Variants in FMNL2 observed in about 807,000 individuals in gnomAD.
FMNL2 encodes the protein formin like 2, also known as formin-like protein 2.
A neutral mutation model predicts 130.2 loss-of-function variants in FMNL2; 51 were observed. The observed-to-expected ratio is 0.39, with a 90% CI of 0.31 to 0.49. The LOEUF is 0.49. Ranked by LOEUF, FMNL2 falls within the 20% of genes least tolerant of loss-of-function variation. The pLI is 0.85. For synonymous variants in FMNL2, 465 were observed against 467.1 expected, an observed-to-expected ratio of 1.00 and a Z score of 0.06; for missense variants, 977 against 1,316.2, an observed-to-expected ratio of 0.74 and a Z score of 3.99.
intron 1 of FMNL2, among the ~76,000 whole-genome samples, chr2:152,435,065 A>G (rs1326000186): frequency 6.6e-6 from 1 of 152,162 alleles, no homozygotes; most frequent in Admixed American, 6.5e-5. Context: ...GATACAGTCT[A>G]GAAGGTATTC....
Position 152,648,171 on chromosome 2 carries a change from T to TAACC in FMNL2, c.*269_*272dup, listed in dbSNP as rs1683784828. On this transcript the variant is annotated 3_prime_UTR_variant, in exon 26 of 26. Transcript: ENST00000288670. The stretch of plus-strand genomic sequence containing the variant: ...TCTTTTTACACCAGTATGTTATTTT[T>TAACC]AACCAAAATGTAAAGTTCTTATTAA... 2.6e-6 allele frequency: 1 copy of TAACC among 384,498 alleles called. No homozygotes were observed. Among genetic ancestry groups the TAACC allele is most frequent in the Admixed American group, 4.2e-5 (1 of 23,898 alleles). The allele number at this position is 384,498 out of a possible 1,614,324, so 23.8% of individuals were successfully genotyped here.
intron 9 of FMNL2, among the ~76,000 whole-genome samples, chr2:152,592,034 C>T (rs1485450953): frequency 3.3e-5 from 5 of 151,900 alleles, no homozygotes; most frequent in African/African-American, 4.8e-5. Context: ...ACCCGGGAGG[C>T]AGAGGTTGCA....
intron 13 of FMNL2, 127 bp downstream of exon 13, chr2:152,617,319 T>C: frequency 1.2e-6 from 1 of 819,870 alleles, no homozygotes; most frequent in Non-Finnish European, 1.9e-6. Context: ...ATTGGAAACC[T>C]TTGAGAGGTG....
intron 1 of FMNL2, among the ~76,000 whole-genome samples, chr2:152,446,769 G>C (rs188967438): frequency 2.0e-5 from 3 of 152,312 alleles, no homozygotes; most frequent in Admixed American, 1.3e-4. Flanking sequence ...TGTGTGTATG[G>C]TGTTTAAGTA....
At chr2:152,433,713 G>A (rs931944802) in intron 1 of FMNL2, among the ~76,000 whole-genome samples, 21 of 152,178 alleles carry the variant, frequency 1.4e-4, no homozygotes, top group African/African-American at 5.1e-4. Context: ...TAGGTTGGCT[G>A]TGACTATTTA....
intron 9 of FMNL2, among the ~76,000 whole-genome samples, chr2:152,582,645 T>A (rs1696858380): frequency 6.6e-6 from 1 of 152,214 alleles, no homozygotes; most frequent in Non-Finnish European, 1.5e-5. Flanking sequence ...TGCTTGTCTG[T>A]GAATGTTTTT....
intron 9 of FMNL2, among the ~76,000 whole-genome samples, chr2:152,599,220 G>A (rs114026460): frequency 5.3e-5 from 8 of 152,212 alleles, no homozygotes; most frequent in Admixed American, 6.5e-5. Context: ...TCAAGTTGAC[G>A]CATAAAGTTA....
rs59672196 is a variant in FMNL2 at position 152,456,936 on chromosome 2, CAA to C, written c.118-64989_118-64988del. 1.3e-3 allele frequency among the ~76,000 whole-genome samples: 123 copies of C among 96,612 alleles called. 1 individual carries two copies. Among genetic ancestry groups the C allele is most frequent in the Middle Eastern group, 7.7e-3 (1 of 130 alleles). 63.4% of individuals were successfully genotyped at this position (96,612 alleles called of 152,430 possible). A position where few individuals can be genotyped will look rare whatever the true frequency, so the allele number is the denominator to read the frequency against. On this transcript the variant is annotated intron_variant, in intron 1 of 25. Coordinates refer to ENST00000288670, the MANE Select transcript of FMNL2 (RefSeq NM_052905.4). ...CTGATGACAGAGTGAGACTCCCTTTCAAAAAAAAAAAAAAAAAAATTGCTACA... is the reference window on the plus strand; with the variant it reads ...CTGATGACAGAGTGAGACTCCCTTTCAAAAAAAAAAAAAAAAATTGCTACA...
intron 9 of FMNL2, among the ~76,000 whole-genome samples, chr2:152,585,923 A>C (rs1334890254): frequency 1.2e-5 from 1 of 85,730 alleles, no homozygotes; most frequent in African/African-American, 6.0e-5. Context: ...GGTTTGGCAA[A>C]AAAAAAAAAA....
chr2:152,538,361 GC>G (rs1694116162), intron 2 of FMNL2, among the ~76,000 whole-genome samples: 1 of 152,118 alleles, frequency 6.6e-6, no homozygotes, highest in South Asian at 2.1e-4. Flanking sequence ...TTCACTGCAA[GC>G]CCCACCTCCT....
chr2:152,361,241 G>A (rs556328382), intron 1 of FMNL2, among the ~76,000 whole-genome samples: 7 of 152,188 alleles, frequency 4.6e-5, no homozygotes, highest in African/African-American at 1.7e-4. Flanking sequence ...CTTGGATAAT[G>A]ATAATAATCA....
At chr2:152,524,967 T>C (rs1693303551) in intron 2 of FMNL2, among the ~76,000 whole-genome samples, 1 of 152,124 alleles carries the variant, frequency 6.6e-6, no homozygotes, top group Admixed American at 6.5e-5. Flanking sequence ...CAAGAAAGCT[T>C]GTGGAGGAGC....
At chr2:152,390,522 A>C (rs879016881) in intron 1 of FMNL2, 1 of 1,547,742 alleles carries the variant, frequency 6.5e-7, no homozygotes, top group Non-Finnish European at 8.9e-7. Flanking sequence ...GTATGACCAG[A>C]GACAGAAGTC....
chr2:152,365,379 A>C (rs1011298544), intron 1 of FMNL2, among the ~76,000 whole-genome samples: 1 of 151,352 alleles, frequency 6.6e-6, no homozygotes, highest in Non-Finnish European at 1.5e-5. Context: ...GTCTCTGTGG[A>C]TATGGCAAGA....
At chr2:152,414,103 A>G (rs141763529) in intron 1 of FMNL2, among the ~76,000 whole-genome samples, 1 of 151,708 alleles carries the variant, frequency 6.6e-6, no homozygotes, top group Non-Finnish European at 1.5e-5. Context: ...TACCTGTTTT[A>G]TGTTTTTTTT....
intron 2 of FMNL2, among the ~76,000 whole-genome samples, chr2:152,534,831 G>C (rs564086047): frequency 6.6e-6 from 1 of 152,182 alleles, no homozygotes; most frequent in Non-Finnish European, 1.5e-5. Flanking sequence ...ATAAAAGAAA[G>C]CATTTGGAAA....
At position 152,342,205 on chromosome 2, in the gene FMNL2, G is replaced by A. The variant is rs1681852326; in HGVS notation, c.117+6485G>A. On this transcript the variant is annotated intron_variant, in intron 1 of 25. Coordinates refer to ENST00000288670, the MANE Select transcript of FMNL2 (RefSeq NM_052905.4). The stretch of plus-strand genomic sequence containing the variant: ...TTCATATTTAGAGCTTGGGGAATAG[G>A]GACAAGGTAAAGTGGGCTCTCCAGC... Among the ~76,000 whole-genome samples the A allele has an allele frequency of 2.0e-5, 3 of 152,170 alleles. No homozygotes were observed. In the South Asian group the frequency reaches 6.2e-4, roughly 32 times the overall value.
At chr2:152,360,481 C>T (rs1483027608) in intron 1 of FMNL2, among the ~76,000 whole-genome samples, 1 of 152,114 alleles carries the variant, frequency 6.6e-6, no homozygotes, top group African/African-American at 2.4e-5. Flanking sequence ...CAGGTACCCA[C>T]CACCATGACC....
chr2:152,630,540 C>T (rs911171276), intron 20 of FMNL2, among the ~76,000 whole-genome samples: 2 of 152,110 alleles, frequency 1.3e-5, no homozygotes, highest in Non-Finnish European at 2.9e-5. Context: ...GAAAATCCTC[C>T]GTGGACTCCC....
Sources: gnomAD v4.1 joint callset for allele counts (sites outside exome capture counted in the v4.1 genomes callset) on GRCh38, gnomAD v4.1.1 for gene constraint, MANE v1.5 for transcripts, NCBI Gene and HGNC (gene_info 2026-07-23, HGNC 2026-07-21) for gene names.